The following SAP130 variants were observed in gnomAD, a reference collection of about 807,000 sequenced individuals.
SAP130 encodes Sin3A associated protein 130.
In SAP130, 16 loss-of-function variants were observed where a neutral mutation model predicts 103.2. That is an observed-to-expected ratio of 0.16 (90% CI 0.10 to 0.24). The LOEUF (loss-of-function observed/expected upper bound fraction) is 0.24, where lower values mean the gene tolerates loss of function less well. Ranked by LOEUF, SAP130 falls within the 10% of genes least tolerant of loss-of-function variation. The probability of loss-of-function intolerance (pLI) is 1.00; values close to 1 mark genes in which losing one functional copy is unlikely to be tolerated. For missense variants in SAP130, 990 were observed against 1,359.7 expected (o/e 0.73, Z 4.28); for synonymous variants, 477 against 497.0 (o/e 0.96, Z 0.53).
At chr2:127,987,632 T>G (rs1269341054) in intron 13 of SAP130, among the ~76,000 whole-genome samples, 1 of 152,142 alleles carries the variant, frequency 6.6e-6, no homozygotes, top group Non-Finnish European at 1.5e-5. Flanking sequence ...CATTGTAATT[T>G]CCATTTTAGA....
chr2:127,960,045 A>G (rs1383368392), intron 15 of SAP130, among the ~76,000 whole-genome samples: 3 of 152,190 alleles, frequency 2.0e-5, no homozygotes, highest in Non-Finnish European at 4.4e-5. Flanking sequence ...GGTAAGAGCC[A>G]TCGCATCTGC....
chr2:128,001,693 T>G (rs532827696), intron 7 of SAP130, among the ~76,000 whole-genome samples: 1 of 152,228 alleles, frequency 6.6e-6, no homozygotes, highest in African/African-American at 2.4e-5. Flanking sequence ...GCAATAGTTA[T>G]AGCATCATAG....
At chr2:128,021,584 T>G (rs1685166892) in intron 2 of SAP130, among the ~76,000 whole-genome samples, 1 of 152,194 alleles carries the variant, frequency 6.6e-6, no homozygotes, top group African/African-American at 2.4e-5. Flanking sequence ...TATTGGGGAA[T>G]AGATTACATA....
At chr2:127,961,619 C>T (rs1680258162) in intron 15 of SAP130, among the ~76,000 whole-genome samples, 1 of 150,322 alleles carries the variant, frequency 6.7e-6, no homozygotes, top group African/African-American at 2.5e-5. Context: ...AAGACCAATA[C>T]AGGTAACAAC....
At chr2:127,980,149 G>C (rs193214916) in intron 14 of SAP130, among the ~76,000 whole-genome samples, 1 of 151,990 alleles carries the variant, frequency 6.6e-6, no homozygotes, top group Non-Finnish European at 1.5e-5. Flanking sequence ...AAAGTGCTGG[G>C]ATTACAGGCT....
At chr2:128,010,900 C>A (rs1573824283) in intron 6 of SAP130, among the ~76,000 whole-genome samples, 4 of 115,918 alleles carry the variant, frequency 3.5e-5, no homozygotes, top group Non-Finnish European at 5.3e-5. Context: ...GACTAAGAGT[C>A]AGAATTATTA....
At chr2:127,960,655 A>C (rs1194571453) in intron 15 of SAP130, among the ~76,000 whole-genome samples, 1 of 152,212 alleles carries the variant, frequency 6.6e-6, no homozygotes, top group Non-Finnish European at 1.5e-5. Context: ...TGGAATTAGT[A>C]ATGCATTCAC....
At position 128,013,112 on chromosome 2, in the gene SAP130, G is replaced by A; in HGVS notation, c.662C>T (p.Thr221Ile). ...CAGCTGTGAGGTCGGCCTCAGGACT[G>A]TGGTTACTTTAGAACTGGACATCAC... ...AAVMSSSKVTTVLRPTSQLPN... is the reference protein window; with the variant it reads ...AAVMSSSKVTIVLRPTSQLPN... The change falls in exon 6 of 21, where the codon ACA (threonine) becomes ATA (isoleucine). Residue 221 changes from threonine (T) to isoleucine (I), a missense_variant. Physicochemically the swap from Thr to Ile is moderately conservative, Grantham distance 89 (BLOSUM62 -1). Around this residue, in one of 6 missense-constraint regions of SAP130, gnomAD observed 336 missense variants for 520.1 expected, o/e 0.65. Transcript: ENST00000643581. The A allele has an allele frequency of 6.2e-7, 1 of 1,613,110 alleles. No individual in the cohort carries two copies. Among genetic ancestry groups the A allele is most frequent in the Non-Finnish European group, 8.5e-7 (1 of 1,179,682 alleles).
intron 15 of SAP130, among the ~76,000 whole-genome samples, chr2:127,962,411 A>G (rs1680318500): frequency 6.6e-6 from 1 of 152,230 alleles, no homozygotes; most frequent in Non-Finnish European, 1.5e-5. Flanking sequence ...TCATGCTGCT[A>G]TAAAGACACA....
chr2:128,011,576 T>C (rs1196149078), intron 6 of SAP130, among the ~76,000 whole-genome samples: 4 of 152,180 alleles, frequency 2.6e-5, no homozygotes, highest in Non-Finnish European at 5.9e-5. Context: ...GGTTCTCGTC[T>C]TCCTCCAACC....
At chr2:128,019,310 C>T (rs952957530) in intron 2 of SAP130, among the ~76,000 whole-genome samples, 5 of 151,808 alleles carry the variant, frequency 3.3e-5, no homozygotes, top group Admixed American at 6.6e-5. Context: ...ACTCTGTCTC[C>T]CAGGCTGTAA....
intron 4 of SAP130, among the ~76,000 whole-genome samples, chr2:128,015,903 T>C (rs1331921588): frequency 1.4e-5 from 2 of 144,334 alleles, no homozygotes. Context: ...ACTGCACCAC[T>C]ACACTCCAGC....
At chr2:128,008,962 T>C (rs1225788550) in intron 7 of SAP130, among the ~76,000 whole-genome samples, 1 of 152,010 alleles carries the variant, frequency 6.6e-6, no homozygotes, top group Admixed American at 6.6e-5. Context: ...TGAGATTACA[T>C]GCATGAGCCA....
intron 5 of SAP130, 40 bp downstream of exon 5, chr2:128,014,763 C>T: frequency 1.5e-6 from 2 of 1,374,014 alleles, no homozygotes; most frequent in African/African-American, 1.4e-5. Flanking sequence ...ATATCTACTA[C>T]TACATTTTGA....
chr2:127,979,756 CT>C (rs1029211631), intron 14 of SAP130, among the ~76,000 whole-genome samples: 1 of 151,850 alleles, frequency 6.6e-6, no homozygotes, highest in African/African-American at 2.4e-5. Context: ...CTAGGATTTG[CT>C]TCAAAATAAT....
intron 5 of SAP130, 46 bp from the exon 6 acceptor site, chr2:128,013,200 C>T (rs1248097327): frequency 1.3e-6 from 2 of 1,519,836 alleles, no homozygotes; most frequent in Non-Finnish European, 1.8e-6. Context: ...GTTATATTCC[C>T]TGGGAAAATA....
At chr2:127,988,924 CATA>C (rs1199137314) in intron 13 of SAP130, among the ~76,000 whole-genome samples, 1 of 152,076 alleles carries the variant, frequency 6.6e-6, no homozygotes, top group Non-Finnish European at 1.5e-5. Context: ...TTTAAGAATT[CATA>C]ATATTAGCTA....
chr2:128,010,063 C>T (rs749688358), intron 7 of SAP130, among the ~76,000 whole-genome samples: 3 of 151,976 alleles, frequency 2.0e-5, no homozygotes, highest in East Asian at 1.9e-4. Context: ...ATATTTATCG[C>T]GTCTCCAGCC....
rs79119339 is a variant in SAP130, at chr2:127,943,538, T to C, written c.2902-1001A>G. On this transcript the variant is annotated intron_variant, in intron 19 of 20. Transcript: ENST00000643581. ...TAGACTATATGATAGAGCCTACTGC[T>C]CCTAGGCTACAAACATGTACACCAT... Among the ~76,000 whole-genome samples, 828 of 152,326 alleles carry C rather than the reference T, an allele frequency of 5.4e-3. 5 individuals are homozygous for C. Among genetic ancestry groups the C allele is most frequent in the Middle Eastern group, 0.031 (9 of 294 alleles).
Sources: gnomAD v4.1 joint callset for allele counts (sites outside exome capture counted in the v4.1 genomes callset) on GRCh38, gnomAD v4.1.1 for gene constraint, gnomAD v4.1.1 regional missense constraint, MANE v1.5 for transcripts, NCBI Gene and HGNC (gene_info 2026-07-23, HGNC 2026-07-21) for gene names.